The following ANK2 variants were observed in gnomAD, a reference collection of about 807,000 sequenced individuals.
ANK2 encodes ankyrin 2, also known as ankyrin-2.
Under a neutral mutation model 360.5 loss-of-function variants are expected in ANK2, and 83 were observed. The ratio of observed to expected loss-of-function variants is 0.23; its 90% CI spans 0.19 to 0.28. The LOEUF (loss-of-function observed/expected upper bound fraction) is 0.28, where lower values mean the gene tolerates loss of function less well. Among genes scored for constraint, ANK2 ranks in the 10% least tolerant of loss-of-function variants. ANK2 has a pLI of 1.00. For missense variants in ANK2, 4,201 were observed against 4,795.7 expected (o/e 0.88, Z 3.66); for synonymous variants, 1,740 against 1,759.5 (o/e 0.99, Z 0.28).
intron 2 of ANK2, among the ~76,000 whole-genome samples, chr4:112,918,421 G>A (rs1439040445): frequency 6.6e-6 from 1 of 152,138 alleles, no homozygotes; most frequent in Non-Finnish European, 1.5e-5. Context: ...AGATGATCAA[G>A]TCACCTTCCC....
At chr4:113,029,976 A>G (rs2154303532) in intron 2 of ANK2, among the ~76,000 whole-genome samples, 1 of 152,182 alleles carries the variant, frequency 6.6e-6, no homozygotes. Context: ...TTACTTTTTA[A>G]TTTACTTGCT....
At chr4:113,158,475 T>A (rs913374209) in intron 1 of ANK2, among the ~76,000 whole-genome samples, 1 of 152,036 alleles carries the variant, frequency 6.6e-6, no homozygotes, top group Admixed American at 6.6e-5. Flanking sequence ...ACTCAATTAC[T>A]AATATATCCT....
chr4:112,714,355 G>A, the ANK2 span, among the ~76,000 whole-genome samples: 87 of 152,170 alleles, frequency 5.7e-4, no homozygotes, highest in Middle Eastern at 3.4e-3. Flanking sequence ...GCTAATTTTT[G>A]TATTTTTAGT....
chr4:113,100,046 AG>A (rs909092549), intron 1 of ANK2, among the ~76,000 whole-genome samples: 145 of 152,194 alleles, frequency 9.5e-4, no homozygotes, highest in African/African-American at 3.4e-3. Flanking sequence ...CAGAAAATCT[AG>A]GTGACCTTGG....
intron 2 of ANK2, among the ~76,000 whole-genome samples, chr4:113,044,084 T>C (rs963412266): frequency 2.6e-5 from 4 of 152,100 alleles, no homozygotes; most frequent in African/African-American, 9.7e-5. Flanking sequence ...ATAACAGACA[T>C]CCTAAAGTGG....
chr4:113,156,056 CT>C (rs2097276534), intron 1 of ANK2, among the ~76,000 whole-genome samples: 1 of 152,162 alleles, frequency 6.6e-6, no homozygotes, highest in African/African-American at 2.4e-5. Context: ...TGTTAATTCA[CT>C]TTTAGGAATT....
At chr4:112,740,669 G>A in the ANK2 span, among the ~76,000 whole-genome samples, 7 of 151,152 alleles carry the variant, frequency 4.6e-5, no homozygotes, top group African/African-American at 1.2e-4. Context: ...GGCATTTCAC[G>A]TCAGCCTGGG....
Position 113,145,630 on chromosome 4 carries a change from G to A in ANK2, c.85-28786G>A, listed in dbSNP as rs1395374954. 2.7e-5 allele frequency: 30 copies of A among 1,102,376 alleles called. No individual in the cohort carries two copies. In the South Asian group the frequency reaches 3.0e-4, roughly 11 times the overall value. 68.3% of individuals were successfully genotyped at this position (1,102,376 alleles called of 1,614,324 possible). ...GTAGGTGTAAAAATAGACTGGCAGC[G>A]CCTGCACTGGAAATGGTCACTGAAT... is the stretch of plus-strand genomic sequence containing the variant. On this transcript the variant is annotated intron_variant, in intron 1 of 45. Coordinates refer to ENST00000357077, the MANE Select transcript of ANK2 (RefSeq NM_001148.6).
chr4:113,162,922 A>G (rs1442004170), intron 1 of ANK2, among the ~76,000 whole-genome samples: 1 of 152,126 alleles, frequency 6.6e-6, no homozygotes, highest in Non-Finnish European at 1.5e-5. Context: ...AAATTATTTC[A>G]ACTATTTATC....
At chr4:112,823,597 G>A (rs1025855300) in intron 1 of ANK2, among the ~76,000 whole-genome samples, 1 of 149,516 alleles carries the variant, frequency 6.7e-6, no homozygotes, top group African/African-American at 2.5e-5. Flanking sequence ...GCAAAGTTCA[G>A]TAAAGTGAAT....
chr4:113,001,965 T>C (rs1578753018), intron 2 of ANK2, among the ~76,000 whole-genome samples: 2 of 152,268 alleles, frequency 1.3e-5, no homozygotes, highest in East Asian at 3.9e-4. Flanking sequence ...TCTAATGTCT[T>C]AAAAATTCCA....
chr4:113,097,542 A>G (rs566109782), intron 1 of ANK2, among the ~76,000 whole-genome samples: 21 of 152,222 alleles, frequency 1.4e-4, no homozygotes, highest in Admixed American at 9.8e-4. Context: ...ATAAATTAGG[A>G]TGGACTAGTG....
At chr4:112,766,367 A>G in the ANK2 span, among the ~76,000 whole-genome samples, 1 of 152,090 alleles carries the variant, frequency 6.6e-6, no homozygotes, top group Admixed American at 6.6e-5. Context: ...TTGAAATTTG[A>G]CTTTTGTAAA....
chr4:113,230,029 A>G (rs567273729), intron 4 of ANK2, among the ~76,000 whole-genome samples: 1 of 151,976 alleles, frequency 6.6e-6, no homozygotes, highest in Non-Finnish European at 1.5e-5. Flanking sequence ...CTTCCTTTGA[A>G]TCTCTAATTC....
intron 1 of ANK2, among the ~76,000 whole-genome samples, chr4:113,076,578 T>C (rs904039950): frequency 6.6e-6 from 1 of 152,130 alleles, no homozygotes; most frequent in East Asian, 1.9e-4. Context: ...AGAGGATTAC[T>C]TGAGCCCGGG....
chr4:112,811,882 T>C, the ANK2 span, among the ~76,000 whole-genome samples: 2 of 152,124 alleles, frequency 1.3e-5, no homozygotes, highest in African/African-American at 2.4e-5. Context: ...GAGACCATCC[T>C]GGCTAACACG....
At chr4:112,722,948 A>C in the ANK2 span, among the ~76,000 whole-genome samples, 1 of 152,062 alleles carries the variant, frequency 6.6e-6, no homozygotes, top group Non-Finnish European at 1.5e-5. Context: ...TGGGTGACAG[A>C]GACCCTGTGT....
In ANK2 at chr4:113,291,580, A is replaced by T. The variant is rs550568534; in HGVS notation, c.2278-836A>T. Reference sequence around the variant, plus strand: ...TAGTAGACAGAACAAGCAAATATGTATGTTGCTCACAGGGCAGCAGTGACA... The same window carrying T: ...TAGTAGACAGAACAAGCAAATATGTTTGTTGCTCACAGGGCAGCAGTGACA... On this transcript the variant is annotated intron_variant, in intron 20 of 45. Transcript: ENST00000357077. 3.7e-4 allele frequency among the ~76,000 whole-genome samples: 57 copies of T among 152,340 alleles called. 1 individual carries two copies. In the South Asian group the frequency reaches 9.5e-3, roughly 25 times the overall value.
chr4:113,058,823 T>C (rs2071551817), intron 1 of ANK2, among the ~76,000 whole-genome samples: 1 of 152,198 alleles, frequency 6.6e-6, no homozygotes, highest in African/African-American at 2.4e-5. Context: ...ATATTCATAC[T>C]GCTATTAAAT....
Sources: gnomAD v4.1 joint callset for allele counts (sites outside exome capture counted in the v4.1 genomes callset) on GRCh38, gnomAD v4.1.1 for gene constraint, MANE v1.5 for transcripts, NCBI Gene and HGNC (gene_info 2026-07-23, HGNC 2026-07-21) for gene names.